RBFOX1: variants seen among roughly 807,000 people sequenced by gnomAD.
RBFOX1 encodes RNA binding protein fox-1 homolog 1.
In RBFOX1, 8 loss-of-function variants were observed where a neutral mutation model predicts 57.7. The observed-to-expected ratio is 0.14, with a 90% CI of 0.08 to 0.25. The LOEUF (loss-of-function observed/expected upper bound fraction) is 0.25, where lower values mean the gene tolerates loss of function less well. Ranked by LOEUF, RBFOX1 falls within the 10% of genes least tolerant of loss-of-function variation. RBFOX1 has a pLI of 1.00. For missense variants in RBFOX1, 611 were observed against 548.5 expected (o/e 1.11, Z -1.14); for synonymous variants, 326 against 222.4 (o/e 1.47, Z -4.15).
intron 2 of RBFOX1, among the ~76,000 whole-genome samples, chr16:6,647,602 C>G (rs2098544311): frequency 6.6e-6 from 1 of 152,128 alleles, no homozygotes; most frequent in Admixed American, 6.5e-5. Flanking sequence ...TTAGAGTTCC[C>G]ATCTCCAAAT....
At chr16:7,189,586 C>CACACACACACACACAG (rs1291219168) in intron 4 of RBFOX1, among the ~76,000 whole-genome samples, 1 of 145,920 alleles carries the variant, frequency 6.9e-6, no homozygotes, top group African/African-American at 2.7e-5. Context: ...CACACACACA[C>CACACACACACACACAG]ATACACACAC....
At chr16:6,558,238 C>A (rs983288352) in intron 2 of RBFOX1, among the ~76,000 whole-genome samples, 11 of 152,016 alleles carry the variant, frequency 7.2e-5, no homozygotes, top group South Asian at 2.1e-4. Flanking sequence ...CTATGTGGCT[C>A]GTCCCCACCT....
intron 2 of RBFOX1, among the ~76,000 whole-genome samples, chr16:5,482,350 C>T (rs866701575): frequency 1.4e-4 from 21 of 152,186 alleles, no homozygotes; most frequent in Middle Eastern, 3.4e-3. Flanking sequence ...CTTTGCCTTC[C>T]AGCCCAAGGG....
intron 1 of RBFOX1, among the ~76,000 whole-genome samples, chr16:5,310,386 G>A (rs1029852374): frequency 7.9e-5 from 12 of 151,472 alleles, no homozygotes; most frequent in African/African-American, 2.9e-4. Flanking sequence ...GGGTGACAGA[G>A]CCAGACTCTG....
intron 3 of RBFOX1, among the ~76,000 whole-genome samples, chr16:6,892,684 A>C (rs977114261): frequency 2.0e-5 from 2 of 97,920 alleles, no homozygotes; most frequent in East Asian, 3.8e-4. Context: ...AACAAACAAA[A>C]AAGCCTGAGA....
At chr16:6,088,186 CT>C (rs2096117460) in intron 1 of RBFOX1, among the ~76,000 whole-genome samples, 2 of 151,948 alleles carry the variant, frequency 1.3e-5, no homozygotes, top group African/African-American at 2.4e-5. Context: ...CTCTTAGTTA[CT>C]TTTTTTCTTT....
intron 2 of RBFOX1, among the ~76,000 whole-genome samples, chr16:6,599,366 G>T (rs937253460): frequency 6.6e-6 from 1 of 152,140 alleles, no homozygotes; most frequent in Non-Finnish European, 1.5e-5. Context: ...TGTGACCTGG[G>T]TCTAGTAATG....
At position 6,838,588 on chromosome 16, in the gene RBFOX1, C is replaced by T. The variant is rs1398934236; in HGVS notation, c.-16+183938C>T. Among the ~76,000 whole-genome samples the T allele has an allele frequency of 4.6e-5, 7 of 152,154 alleles. No homozygotes were observed. In the East Asian group the frequency reaches 1.2e-3, roughly 25 times the overall value. ...TATGAGGTAGTCCTCTTCTGCTGCC[C>T]CTCTGCTGCTGCTGTGCACTGCCAC... On this transcript the variant is annotated intron_variant, in intron 3 of 15. Coordinates refer to ENST00000550418, the MANE Select transcript of RBFOX1 (RefSeq NM_018723.4).
At chr16:5,697,159 G>A (rs1459988190) in intron 3 of RBFOX1, among the ~76,000 whole-genome samples, 1 of 151,958 alleles carries the variant, frequency 6.6e-6, no homozygotes, top group Non-Finnish European at 1.5e-5. Flanking sequence ...ATTAATTTTT[G>A]CATGTTGATT....
intron 3 of RBFOX1, among the ~76,000 whole-genome samples, chr16:5,752,279 G>A (rs1244416485): frequency 3.3e-5 from 5 of 152,168 alleles, no homozygotes; most frequent in Admixed American, 6.5e-5. Flanking sequence ...TAGAGGTCAC[G>A]GATTGGAGGG....
intron 5 of RBFOX1, among the ~76,000 whole-genome samples, chr16:7,556,501 G>T (rs2088532278): frequency 6.6e-6 from 1 of 152,152 alleles, no homozygotes; most frequent in Non-Finnish European, 1.5e-5. Flanking sequence ...AGGTTTATTT[G>T]TATAAGCAAC....
Position 6,924,094 on chromosome 16 carries a change from C to T in RBFOX1, c.-15-127963C>T, listed in dbSNP as rs561272382. Among the ~76,000 whole-genome samples the T allele has an allele frequency of 8.9e-4, 135 of 151,798 alleles. 1 individual carries two copies. In the South Asian group the frequency reaches 0.024, roughly 27 times the overall value. On this transcript the variant is annotated intron_variant, in intron 3 of 15. Coordinates refer to ENST00000550418, the MANE Select transcript of RBFOX1 (RefSeq NM_018723.4). ...CTGAGGCATGAGAGTCGCTTGAACCCGGAGGTGGAGGTTGCAGTGAGCTGA... is the reference window on the plus strand; with the variant it reads ...CTGAGGCATGAGAGTCGCTTGAACCTGGAGGTGGAGGTTGCAGTGAGCTGA...
chr16:6,479,053 T>C (rs1047495040), intron 2 of RBFOX1, among the ~76,000 whole-genome samples: 4 of 152,222 alleles, frequency 2.6e-5, no homozygotes, highest in African/African-American at 9.6e-5. Context: ...CTGCAAAGCA[T>C]GATAAAGTGA....
intron 2 of RBFOX1, among the ~76,000 whole-genome samples, chr16:6,419,934 A>T (rs1045164803): frequency 2.0e-5 from 3 of 152,176 alleles, no homozygotes; most frequent in Admixed American, 2.0e-4. Context: ...AGAGTCAAAG[A>T]CATGCTGCAG....
intron 3 of RBFOX1, among the ~76,000 whole-genome samples, chr16:6,761,758 G>GC (rs34145548): frequency 6.6e-6 from 1 of 151,704 alleles, no homozygotes; most frequent in Non-Finnish European, 1.5e-5. Flanking sequence ...ACCTGCCTCG[G>GC]CCCCCTAAAG....
At position 5,867,036 on chromosome 16, in the gene RBFOX1, A is replaced by C. The variant is rs146244895; in HGVS notation, c.319-267A>C. Among the ~76,000 whole-genome samples, 452 of 152,072 alleles carry C rather than the reference A, an allele frequency of 3.0e-3. 14 individuals are homozygous for C. Among genetic ancestry groups the C allele is most frequent in the Admixed American group, 0.027 (413 of 15,260 alleles). ...ACATTGCTCACAGCCCTCCCCACTT[A>C]TTTTTTTCTTGACAAGATTGTTATA... On this transcript the variant is annotated intron_variant, in intron 3 of 19. Coordinates refer to the RBFOX1 transcript ENST00000641259.
intron 3 of RBFOX1, among the ~76,000 whole-genome samples, chr16:5,640,034 G>A (rs2048808722): frequency 6.6e-6 from 1 of 152,164 alleles, no homozygotes; most frequent in Admixed American, 6.5e-5. Flanking sequence ...TGCTGCATGT[G>A]ATAAGGATCT....
intron 3 of RBFOX1, among the ~76,000 whole-genome samples, chr16:6,765,824 C>A (rs888943272): frequency 1.3e-5 from 2 of 152,140 alleles, no homozygotes; most frequent in African/African-American, 4.8e-5. Context: ...GAAATAATGT[C>A]TTTTGCAGCA....
chr16:5,534,056 C>G (rs2044592793), intron 2 of RBFOX1, among the ~76,000 whole-genome samples: 1 of 152,144 alleles, frequency 6.6e-6, no homozygotes, highest in South Asian at 2.1e-4. Flanking sequence ...GCCATGGGGA[C>G]TGGCCACATC....
Sources: gnomAD v4.1 joint callset for allele counts (sites outside exome capture counted in the v4.1 genomes callset) on GRCh38, gnomAD v4.1.1 for gene constraint, MANE v1.5 for transcripts, NCBI Gene and HGNC (gene_info 2026-07-23, HGNC 2026-07-21) for gene names.